The following NFIA variants were observed in gnomAD, a reference collection of about 807,000 sequenced individuals.
The protein encoded by NFIA is nuclear factor I A, also known as nuclear factor 1 A-type.
A neutral mutation model predicts 62.8 loss-of-function variants in NFIA; 8 were observed. The ratio of observed to expected loss-of-function variants is 0.13; its 90% CI spans 0.07 to 0.23. The LOEUF (loss-of-function observed/expected upper bound fraction) is 0.23, where lower values mean the gene tolerates loss of function less well. NFIA is among the 10% of genes least tolerant of loss of function. NFIA has a pLI of 1.00. For synonymous variants in NFIA, 235 were observed against 238.1 expected (o/e 0.99, Z 0.12); for missense variants, 410 against 642.1 (o/e 0.64, Z 3.91).
At chr1:61,294,630 T>G (rs1246893170) in intron 3 of NFIA, among the ~76,000 whole-genome samples, 1 of 152,266 alleles carries the variant, frequency 6.6e-6, no homozygotes, top group Non-Finnish European at 1.5e-5. Flanking sequence ...TTAAGTGGAT[T>G]GCGAACTCCA....
intron 2 of NFIA, among the ~76,000 whole-genome samples, chr1:61,160,454 T>G (rs1280729238): frequency 1.3e-5 from 2 of 152,210 alleles, no homozygotes; most frequent in East Asian, 3.8e-4. Flanking sequence ...AATGAGATAT[T>G]TAAGCCTTCT....
chr1:61,290,699 A>G (rs147084868), intron 3 of NFIA, among the ~76,000 whole-genome samples: 11 of 152,348 alleles, frequency 7.2e-5, no homozygotes, highest in African/African-American at 1.9e-4. Context: ...CAGAACGTCT[A>G]TGTCCTTTCA....
intron 4 of NFIA, among the ~76,000 whole-genome samples, chr1:61,335,443 T>C (rs1557714538): frequency 6.6e-6 from 1 of 152,200 alleles, no homozygotes; most frequent in South Asian, 2.1e-4. Context: ...GGCTGCCCTC[T>C]TCCTTGTTCC....
intron 3 of NFIA, among the ~76,000 whole-genome samples, chr1:61,317,457 A>G (rs1553172039): frequency 6.6e-5 from 10 of 152,102 alleles, no homozygotes; most frequent in Non-Finnish European, 1.5e-4. Context: ...TATTTTCATA[A>G]ACACACAAAT....
intron 3 of NFIA, among the ~76,000 whole-genome samples, chr1:61,315,600 T>G: frequency 6.6e-6 from 1 of 152,292 alleles, no homozygotes; most frequent in Non-Finnish European, 1.5e-5. Flanking sequence ...TTCAATAAAG[T>G]ATCAGAATGA....
At chr1:61,176,332 G>T (rs570190559) in intron 2 of NFIA, among the ~76,000 whole-genome samples, 1 of 152,248 alleles carries the variant, frequency 6.6e-6, no homozygotes, top group East Asian at 1.9e-4. Flanking sequence ...AAGTTGGGGC[G>T]TAAACGTAGT....
intron 2 of NFIA, among the ~76,000 whole-genome samples, chr1:61,099,172 A>C (rs570842065): frequency 6.6e-6 from 1 of 152,368 alleles, no homozygotes; most frequent in South Asian, 2.1e-4. Flanking sequence ...TCTTCAAAGA[A>C]AGACATTTTC....
At chr1:61,351,377 G>C (rs996144279) in intron 4 of NFIA, among the ~76,000 whole-genome samples, 1 of 152,138 alleles carries the variant, frequency 6.6e-6, no homozygotes, top group African/African-American at 2.4e-5. Flanking sequence ...AAATGTCCCT[G>C]GTTCATGATA....
At chr1:61,167,131 A>T (rs1261802015) in intron 2 of NFIA, among the ~76,000 whole-genome samples, 1 of 152,142 alleles carries the variant, frequency 6.6e-6, no homozygotes, top group African/African-American at 2.4e-5. Flanking sequence ...ACAGAGTGAG[A>T]CTCTGTCTAA....
intron 2 of NFIA, among the ~76,000 whole-genome samples, chr1:61,227,395 T>C (rs560170097): frequency 1.9e-4 from 29 of 152,236 alleles, no homozygotes; most frequent in Non-Finnish European, 4.0e-4. Flanking sequence ...TCAGGAATCA[T>C]GCAGAACAGG....
chr1:61,303,165 G>A (rs893589102), intron 3 of NFIA, among the ~76,000 whole-genome samples: 4 of 152,128 alleles, frequency 2.6e-5, no homozygotes, highest in Admixed American at 1.3e-4. Context: ...GGCTCAAAGC[G>A]ATTAAGTACC....
intron 10 of NFIA, among the ~76,000 whole-genome samples, chr1:61,426,931 G>A (rs1026311433): frequency 6.6e-6 from 1 of 152,118 alleles, no homozygotes; most frequent in South Asian, 2.1e-4. Context: ...TGCATGCTGG[G>A]CATGGAGGGA....
chr1:61,190,853 C>T (rs1651566373), intron 2 of NFIA, among the ~76,000 whole-genome samples: 1 of 152,104 alleles, frequency 6.6e-6, no homozygotes, highest in South Asian at 2.1e-4. Context: ...CCATGGCAGT[C>T]TTTGTATCAT....
At chr1:61,310,944 T>G (rs1310642228) in intron 3 of NFIA, among the ~76,000 whole-genome samples, 3 of 152,184 alleles carry the variant, frequency 2.0e-5, no homozygotes, top group Non-Finnish European at 4.4e-5. Flanking sequence ...TGCAAGCTCC[T>G]GATGGGCAGG....
At chr1:61,406,310 A>G (rs890547710) in intron 8 of NFIA, among the ~76,000 whole-genome samples, 3 of 152,180 alleles carry the variant, frequency 2.0e-5, no homozygotes, top group Non-Finnish European at 4.4e-5. Flanking sequence ...AAGAAGGACA[A>G]TGTAGTTCAA....
At chr1:61,296,799 T>C (rs1335853573) in intron 3 of NFIA, among the ~76,000 whole-genome samples, 1 of 152,144 alleles carries the variant, frequency 6.6e-6, no homozygotes, top group African/African-American at 2.4e-5. Context: ...ACCTCTCATA[T>C]ATATTGGGAG....
intron 2 of NFIA, among the ~76,000 whole-genome samples, chr1:61,251,574 A>T (rs529566546): frequency 6.6e-6 from 1 of 152,340 alleles, no homozygotes; most frequent in East Asian, 1.9e-4. Flanking sequence ...GAAGGTTGAG[A>T]TTAAGGCTTC....
chr1:61,185,891 T>C (rs1235648422), intron 2 of NFIA, among the ~76,000 whole-genome samples: 1 of 152,180 alleles, frequency 6.6e-6, no homozygotes, highest in Non-Finnish European at 1.5e-5. Flanking sequence ...TCTGAAATGC[T>C]CTTGTTAATT....
chr1:61,394,745 C>A lies in NFIA; in HGVS notation c.1076-9359C>A, dbSNP rs533276949. Among the ~76,000 whole-genome samples, 4 of 152,264 alleles carry A rather than the reference C, an allele frequency of 2.6e-5. No homozygotes were observed. The South Asian group carries it at 8.3e-4, about 32-fold the overall frequency. ...CCATTCCTTGTGTGAAATTTACCCACAGTAGGATTACTCCTCAAATCCTAT... is the reference window on the plus strand; with the variant it reads ...CCATTCCTTGTGTGAAATTTACCCAAAGTAGGATTACTCCTCAAATCCTAT... On this transcript the variant is annotated intron_variant, in intron 7 of 10. Transcript: ENST00000403491.
Sources: gnomAD v4.1 joint callset for allele counts (sites outside exome capture counted in the v4.1 genomes callset) on GRCh38, gnomAD v4.1.1 for gene constraint, MANE v1.5 for transcripts, NCBI Gene and HGNC (gene_info 2026-07-23, HGNC 2026-07-21) for gene names.